Variants in EEF1AKMT2 observed in about 807,000 individuals in gnomAD.
EEF1AKMT2 encodes eukaryotic translation elongation factor 1 alpha lysine methyltransferase 2.
Under a neutral mutation model 35.8 loss-of-function variants are expected in EEF1AKMT2, and 32 were observed. The ratio of observed to expected loss-of-function variants is 0.89; its 90% CI spans 0.67 to 1.20. The LOEUF (loss-of-function observed/expected upper bound fraction) is 1.20, where lower values mean the gene tolerates loss of function less well. Among genes scored for constraint, EEF1AKMT2 ranks in the 50% most tolerant of loss-of-function variants. The pLI is 0.00. For missense variants in EEF1AKMT2, 330 were observed against 347.5 expected (o/e 0.95, Z 0.40); for synonymous variants, 121 against 133.7 (o/e 0.91, Z 0.65).
Position 124,774,766 on chromosome 10 carries a change from G to C in EEF1AKMT2, c.308C>G (p.Ser103Cys), listed in dbSNP as rs779922228. The C allele has an allele frequency of 6.8e-7, 1 of 1,461,936 alleles. No homozygotes were observed. The highest frequency in any genetic ancestry group is 1.5e-5 in the African/African-American group (1 of 68,094). The allele number at this position is 1,461,936 out of a possible 1,614,324, so 90.6% of individuals were successfully genotyped here. The change falls in exon 4 of 7, where the codon TCT becomes TGT. Residue 103 changes from serine to cysteine, a missense_variant. Ser to Cys is a moderately radical substitution (Grantham distance 112, BLOSUM62 -1). Transcript: ENST00000368836. ...FLVELAKFGF[S>C]NITGIDYSPS... is the part of the protein sequence containing the mutation. Reference sequence around the variant, plus strand: ...AGAGTAATCAATTCCAGTAATATTAGAGAAACCAAATTTTGCCTAGAGAGA... The same window carrying C: ...AGAGTAATCAATTCCAGTAATATTACAGAAACCAAATTTTGCCTAGAGAGA...
chr10:124,766,562 T>C (rs1950379530), intron 4 of EEF1AKMT2, among the ~76,000 whole-genome samples: 2 of 152,202 alleles, frequency 1.3e-5, no homozygotes, highest in Admixed American at 6.5e-5. Flanking sequence ...AAAAAAATAA[T>C]TAGGCAATTA....
intron 4 of EEF1AKMT2, among the ~76,000 whole-genome samples, chr10:124,771,868 C>CA (rs1047911285): frequency 1.5e-4 from 22 of 149,602 alleles, no homozygotes; most frequent in East Asian, 5.9e-4. Flanking sequence ...GACTCCGTCT[C>CA]AAAAAAAAAC....
chr10:124,779,334 T>C lies in EEF1AKMT2; in HGVS notation c.292-4552A>G, dbSNP rs372780268. On this transcript the variant is annotated intron_variant, in intron 3 of 6. Transcript: ENST00000368836. ...CTTTAGTAGACACGGGGTTTCACCA[T>C]GTTGCCCAGGCTGGTCTCAAACTCT... Among the ~76,000 whole-genome samples the C allele has an allele frequency of 5.6e-4, 86 of 152,312 alleles. No individual in the cohort carries two copies. The East Asian group carries it at 0.014, about 24-fold the overall frequency.
chr10:124,789,212 A>G, intron 2 of EEF1AKMT2, 55 bp from the exon 3 acceptor site: 1 of 1,175,650 alleles, frequency 8.5e-7, no homozygotes, highest in South Asian at 1.3e-5. Context: ...AGTCACCACT[A>G]TATTCCATTT....
intron 4 of EEF1AKMT2, among the ~76,000 whole-genome samples, chr10:124,773,757 TA>T (rs1352555436): frequency 6.6e-6 from 1 of 151,960 alleles, no homozygotes; most frequent in East Asian, 1.9e-4. Context: ...CCATAACAGA[TA>T]AAATAATAAT....
At chr10:124,791,695 C>G (rs573445612) in intron 1 of EEF1AKMT2, 29 bp downstream of exon 1, 2 of 1,557,432 alleles carry the variant, frequency 1.3e-6, no homozygotes, top group South Asian at 2.3e-5. Flanking sequence ...CGGCACGGCT[C>G]ATCCTCCCCT....
chr10:124,758,499 A>G lies in EEF1AKMT2; in HGVS notation c.*2004T>C, dbSNP rs914391262. 1.7e-5 allele frequency: 2 copies of G among 118,052 alleles called. No individual in the cohort carries two copies. Among genetic ancestry groups the G allele is most frequent in the Non-Finnish European group, 3.6e-5 (2 of 55,172 alleles). The allele number at this position is 118,052 out of a possible 1,614,324, so 7.3% of individuals were successfully genotyped here. On this transcript the variant is annotated 3_prime_UTR_variant, in exon 7 of 7. Coordinates refer to ENST00000368836, the MANE Select transcript of EEF1AKMT2 (RefSeq NM_212554.4). ...TTTTCCTAACCTTATCAAAAGCTCT[A>G]TGGTTAAAAAAAAAAAAAAAAAGAA...
chr10:124,767,273 G>A (rs1399093119), intron 4 of EEF1AKMT2, among the ~76,000 whole-genome samples: 1 of 147,774 alleles, frequency 6.8e-6, no homozygotes, highest in African/African-American at 2.5e-5. Context: ...CAACACTTAG[G>A]GAGGCCAAGG....
rs1950307734 is a variant in EEF1AKMT2 at position 124,758,897 on chromosome 10, G to C, written c.*1606C>G. On this transcript the variant is annotated 3_prime_UTR_variant, in exon 7 of 7. Coordinates refer to ENST00000368836, the MANE Select transcript of EEF1AKMT2 (RefSeq NM_212554.4). ...CACTTTTTACATGTTGAAAATAAAA[G>C]CTTTTCAAAAAATGTTATTTTTGTT... 6.6e-6 allele frequency: 1 copy of C among 152,080 alleles called. No individual in the cohort carries two copies. Among genetic ancestry groups the C allele is most frequent in the African/African-American group, 2.4e-5 (1 of 41,420 alleles). The allele number at this position is 152,080 out of a possible 1,614,324, so 9.4% of individuals were successfully genotyped here. A position where few individuals can be genotyped will look rare whatever the true frequency, so the allele number is the denominator to read the frequency against.
rs1440275004 is a variant in EEF1AKMT2 at position 124,759,128 on chromosome 10, T to G, written c.*1375A>C. On this transcript the variant is annotated 3_prime_UTR_variant, in exon 7 of 7. Transcript: ENST00000368836. ...CACAAAGCTGAAAATCATCAAAAAA[T>G]TATGCAAAAATTTGTATTTAGCTCC... 6.6e-6 allele frequency: 1 copy of G among 152,098 alleles called. No individual in the cohort carries two copies. The highest frequency in any genetic ancestry group is 6.6e-5 in the Admixed American group (1 of 15,266). 9.4% of individuals were successfully genotyped at this position (152,098 alleles called of 1,614,324 possible). A position where few individuals can be genotyped will look rare whatever the true frequency, so the allele number is the denominator to read the frequency against.
At chr10:124,777,903 T>C (rs181293925) in intron 3 of EEF1AKMT2, among the ~76,000 whole-genome samples, 2 of 152,268 alleles carry the variant, frequency 1.3e-5, no homozygotes, top group East Asian at 3.9e-4. Context: ...ATTGTATATG[T>C]GGTACATTTC....
chr10:124,789,159 TGTTA>T lies in EEF1AKMT2; in HGVS notation c.177-6_177-3del. ...CGATTCATACTCTCTTCTCCAAACC[TGTTA>T]GAGAGAATCAGTCAAATAACTGAGG... On this transcript the variant is annotated splice_region_variant and splice_polypyrimidine_tract_variant and intron_variant, in intron 2 of 6. Coordinates refer to ENST00000368836, the MANE Select transcript of EEF1AKMT2 (RefSeq NM_212554.4). The T allele has an allele frequency of 6.3e-7, 1 of 1,595,034 alleles. No homozygotes were observed. The highest frequency in any genetic ancestry group is 8.6e-7 in the Non-Finnish European group (1 of 1,164,342).
Position 124,777,619 on chromosome 10 carries a change from T to C in EEF1AKMT2, c.292-2837A>G, listed in dbSNP as rs900579163. Among the ~76,000 whole-genome samples the C allele has an allele frequency of 4.6e-5, 7 of 151,986 alleles. No individual in the cohort carries two copies. In the South Asian group the frequency reaches 8.3e-4, roughly 18 times the overall value. ...ACTGCAGCCTTGCCTCCTGGCTCAATCAATCCTCCCACCCCAGCCTCTCAA... is the reference window on the plus strand; with the variant it reads ...ACTGCAGCCTTGCCTCCTGGCTCAACCAATCCTCCCACCCCAGCCTCTCAA... On this transcript the variant is annotated intron_variant, in intron 3 of 6. Transcript: ENST00000368836.
chr10:124,760,040 G>A lies in EEF1AKMT2; in HGVS notation c.*463C>T, dbSNP rs1459412288. 3 of 208,632 alleles carry A rather than the reference G, an allele frequency of 1.4e-5. No individual in the cohort carries two copies. In the Admixed American group the frequency reaches 1.7e-4, roughly 12 times the overall value. 12.9% of individuals were successfully genotyped at this position (208,632 alleles called of 1,614,324 possible). A position where few individuals can be genotyped will look rare whatever the true frequency, so the allele number is the denominator to read the frequency against. On this transcript the variant is annotated 3_prime_UTR_variant, in exon 7 of 7. Coordinates refer to ENST00000368836, the MANE Select transcript of EEF1AKMT2 (RefSeq NM_212554.4). Reference sequence around the variant, plus strand: ...ATTATTCTGATGCTGGAATAATTTGGTCAAATATTCATAAATAGTTATCAA... The same window carrying A: ...ATTATTCTGATGCTGGAATAATTTGATCAAATATTCATAAATAGTTATCAA...
At chr10:124,757,381 C>T (rs1040177458), downstream of EEF1AKMT2, among the ~76,000 whole-genome samples, 1 of 151,826 alleles carries the variant, frequency 6.6e-6, no homozygotes, top group African/African-American at 2.4e-5. Context: ...TCATTGTAGG[C>T]TACCAGACAG....
At chr10:124,775,546 T>C (rs1054356293) in intron 3 of EEF1AKMT2, among the ~76,000 whole-genome samples, 1 of 120,846 alleles carries the variant, frequency 8.3e-6, no homozygotes, top group African/African-American at 2.6e-5. Flanking sequence ...AAAAACAAAG[T>C]AAGTTACAAA....
chr10:124,780,928 T>C (rs1372423928), intron 3 of EEF1AKMT2, among the ~76,000 whole-genome samples: 5 of 151,552 alleles, frequency 3.3e-5, no homozygotes, highest in Admixed American at 6.6e-5. Context: ...TGAGAAAACA[T>C]GGAAGTCAAA....
chr10:124,775,754 T>C (rs1353166308), intron 3 of EEF1AKMT2, among the ~76,000 whole-genome samples: 1 of 152,160 alleles, frequency 6.6e-6, no homozygotes, highest in Admixed American at 6.6e-5. Flanking sequence ...CCCTTTATTT[T>C]TGTTTTTAAT....
intron 4 of EEF1AKMT2, among the ~76,000 whole-genome samples, chr10:124,769,659 G>T (rs1008174690): frequency 7.9e-5 from 12 of 152,078 alleles, no homozygotes; most frequent in Non-Finnish European, 1.6e-4. Context: ...TAAAAAATGG[G>T]TGCCTTGCCA....
Sources: gnomAD v4.1 joint callset for allele counts (sites outside exome capture counted in the v4.1 genomes callset) on GRCh38, gnomAD v4.1.1 for gene constraint, MANE v1.5 for transcripts, NCBI Gene and HGNC (gene_info 2026-07-23, HGNC 2026-07-21) for gene names.